FMNL2: variants seen among roughly 807,000 people sequenced by gnomAD.
The protein encoded by FMNL2 is formin like 2, also known as formin-like protein 2.
Under a neutral mutation model 130.2 loss-of-function variants are expected in FMNL2, and 51 were observed. The ratio of observed to expected loss-of-function variants is 0.39; its 90% CI spans 0.31 to 0.49. FMNL2 has a LOEUF of 0.49. Among genes scored for constraint, FMNL2 ranks in the 20% least tolerant of loss-of-function variants. The pLI is 0.85. For synonymous variants in FMNL2, 465 were observed against 467.1 expected (o/e 1.00, Z 0.06); for missense variants, 977 against 1,316.2 (o/e 0.74, Z 3.99).
intron 1 of FMNL2, among the ~76,000 whole-genome samples, chr2:152,386,780 CTCCCCATTTATGTGTTAT>C (rs1167515206): frequency 1.3e-5 from 2 of 152,170 alleles, no homozygotes; most frequent in Non-Finnish European, 2.9e-5. Context: ...GGCATCCCGC[CTCCCCATTTATGTGTTAT>C]TCACCATAGT....
At chr2:152,575,323 C>T in intron 7 of FMNL2, 79 bp downstream of exon 7, 1 of 854,232 alleles carries the variant, frequency 1.2e-6, no homozygotes, top group Non-Finnish European at 1.8e-6. Context: ...GCAGTGTACA[C>T]CGCTTGGGCG....
intron 9 of FMNL2, among the ~76,000 whole-genome samples, chr2:152,586,244 C>G (rs868607309): frequency 6.6e-6 from 1 of 152,192 alleles, no homozygotes; most frequent in Non-Finnish European, 1.5e-5. Context: ...ATGAGTCACT[C>G]GAGGCCACCA....
At chr2:152,635,745 A>C (rs1349577398) in intron 21 of FMNL2, among the ~76,000 whole-genome samples, 1 of 152,238 alleles carries the variant, frequency 6.6e-6, no homozygotes, top group African/African-American at 2.4e-5. Flanking sequence ...CACTGCAGAC[A>C]GAAAGGTTCA....
At chr2:152,502,746 G>T (rs11893683) in intron 1 of FMNL2, among the ~76,000 whole-genome samples, 46,400 of 152,018 alleles carry the variant, frequency 0.31, 7,441 homozygotes, top group East Asian at 0.57. Flanking sequence ...TCATTGTGCG[G>T]AGAGTGGGAG....
At chr2:152,619,861 C>T in intron 15 of FMNL2, 143 bp downstream of exon 15, 7 of 1,450,104 alleles carry the variant, frequency 4.8e-6, no homozygotes, top group East Asian at 2.5e-5. Flanking sequence ...CTGATGTAGC[C>T]GATAGAGGGA....
At chr2:152,597,689 C>G (rs926756244) in intron 9 of FMNL2, among the ~76,000 whole-genome samples, 1 of 152,178 alleles carries the variant, frequency 6.6e-6, no homozygotes, top group Non-Finnish European at 1.5e-5. Flanking sequence ...TATTAAGTAA[C>G]ATCTTAGTAG....
intron 9 of FMNL2, among the ~76,000 whole-genome samples, chr2:152,601,814 C>A (rs1050288704): frequency 6.6e-6 from 1 of 151,790 alleles, no homozygotes; most frequent in Non-Finnish European, 1.5e-5. Context: ...GGATTACAGG[C>A]GCCCGCCACC....
intron 9 of FMNL2, among the ~76,000 whole-genome samples, chr2:152,583,445 A>G (rs1227244113): frequency 6.6e-6 from 1 of 152,232 alleles, no homozygotes; most frequent in East Asian, 1.9e-4. Flanking sequence ...TACACACTCA[A>G]GAAAGGGGAG....
intron 20 of FMNL2, 70 bp from the exon 21 acceptor site, chr2:152,631,938 G>A (rs912837495): frequency 9.5e-5 from 143 of 1,507,346 alleles, no homozygotes; most frequent in Middle Eastern, 1.8e-4. Context: ...GTGGGAAATC[G>A]TCACCTGAGG....
chr2:152,467,281 C>T lies in FMNL2; in HGVS notation c.118-54662C>T, dbSNP rs1194163251. On this transcript the variant is annotated intron_variant, in intron 1 of 25. Coordinates refer to ENST00000288670, the MANE Select transcript of FMNL2 (RefSeq NM_052905.4). The stretch of plus-strand genomic sequence containing the variant: ...CAACATATTCCTCTACGTGCTGAAC[C>T]TGTTCAGTAATTCTTGTTGGATTGT... Among the ~76,000 whole-genome samples, 5 of 152,310 alleles carry T rather than the reference C, an allele frequency of 3.3e-5. No individual in the cohort carries two copies. In the East Asian group the frequency reaches 9.7e-4, roughly 29 times the overall value.
chr2:152,462,038 G>A (rs919617912), intron 1 of FMNL2, among the ~76,000 whole-genome samples: 1 of 152,076 alleles, frequency 6.6e-6, no homozygotes, highest in African/African-American at 2.4e-5. Flanking sequence ...TGGGACTAGA[G>A]GTGTGTACCA....
intron 2 of FMNL2, among the ~76,000 whole-genome samples, chr2:152,538,862 T>C (rs778733016): frequency 1.3e-5 from 2 of 152,200 alleles, no homozygotes; most frequent in African/African-American, 2.4e-5. Flanking sequence ...AACAGAAACA[T>C]TGGGAAAATA....
At chr2:152,600,042 A>G (rs748446294) in intron 9 of FMNL2, among the ~76,000 whole-genome samples, 2 of 152,216 alleles carry the variant, frequency 1.3e-5, no homozygotes, top group Non-Finnish European at 2.9e-5. Flanking sequence ...TATGGCCCTC[A>G]TATAGCCCTC....
intron 1 of FMNL2, among the ~76,000 whole-genome samples, chr2:152,442,597 C>G (rs1410979051): frequency 6.6e-6 from 1 of 152,164 alleles, no homozygotes; most frequent in Non-Finnish European, 1.5e-5. Flanking sequence ...TAATACCTTT[C>G]TCCGTACCCC....
At chr2:152,511,852 C>T (rs1424643337) in intron 1 of FMNL2, among the ~76,000 whole-genome samples, 1 of 152,172 alleles carries the variant, frequency 6.6e-6, no homozygotes, top group African/African-American at 2.4e-5. Flanking sequence ...GCAGGTGATA[C>T]AGACTGCAGT....
chr2:152,375,877 C>CTCTCTCTATATA (rs796954245), intron 1 of FMNL2, among the ~76,000 whole-genome samples: 119 of 112,470 alleles, frequency 1.1e-3, no homozygotes, highest in African/African-American at 3.4e-3. Flanking sequence ...CTCTCTCTCT[C>CTCTCTCTATATA]TATATATATA....
intron 1 of FMNL2, among the ~76,000 whole-genome samples, chr2:152,336,677 G>T (rs1407237226): frequency 1.3e-5 from 2 of 152,130 alleles, no homozygotes; most frequent in African/African-American, 4.8e-5. Context: ...GACTGCTGTT[G>T]GTCCCCCAGA....
intron 13 of FMNL2, 97 bp from the exon 14 acceptor site, chr2:152,618,749 G>C: frequency 2.8e-6 from 3 of 1,070,952 alleles, no homozygotes; most frequent in South Asian, 1.8e-5. Flanking sequence ...ATTCATATGA[G>C]TATCTTTTTT....
At chr2:152,485,105 G>A (rs574457769) in intron 1 of FMNL2, among the ~76,000 whole-genome samples, 201 of 152,204 alleles carry the variant, frequency 1.3e-3, no homozygotes, top group South Asian at 2.7e-3. Flanking sequence ...CAGCACTTTG[G>A]GAGTCCAAGG....
Sources: gnomAD v4.1 joint callset for allele counts (sites outside exome capture counted in the v4.1 genomes callset) on GRCh38, gnomAD v4.1.1 for gene constraint, MANE v1.5 for transcripts, NCBI Gene and HGNC (gene_info 2026-07-23, HGNC 2026-07-21) for gene names.